The following SPRED2 variants were observed in gnomAD, a reference collection of about 807,000 sequenced individuals.
SPRED2 encodes sprouty related EVH1 domain containing 2.
SPRED2 carries 47 observed loss-of-function variants against 43.0 expected under a neutral mutation model. The ratio of observed to expected loss-of-function variants is 1.09; its 90% CI spans 0.87 to 1.40. The LOEUF (loss-of-function observed/expected upper bound fraction) is 1.40, where lower values mean the gene tolerates loss of function less well. Among genes scored for constraint, SPRED2 ranks in the 40% most tolerant of loss-of-function variants. The pLI is 0.00. For synonymous variants in SPRED2, 225 were observed against 225.7 expected, an observed-to-expected ratio of 1.00 and a Z score of 0.03; for missense variants, 561 against 586.4, an observed-to-expected ratio of 0.96 and a Z score of 0.45.
At chr2:65,395,396 G>A (rs1016287180) in intron 1 of SPRED2, among the ~76,000 whole-genome samples, 7 of 152,024 alleles carry the variant, frequency 4.6e-5, no homozygotes, top group African/African-American at 1.4e-4. Context: ...TTCTCACCAC[G>A]GCAGTACCCT....
chr2:65,315,471 G>T (rs1673206502), intron 5 of SPRED2, among the ~76,000 whole-genome samples: 2 of 152,142 alleles, frequency 1.3e-5, no homozygotes, highest in Non-Finnish European at 2.9e-5. Context: ...GCAGGGCCAT[G>T]TCCCACACAT....
At chr2:65,378,459 G>A (rs909240351) in intron 1 of SPRED2, among the ~76,000 whole-genome samples, 1 of 152,204 alleles carries the variant, frequency 6.6e-6, no homozygotes, top group African/African-American at 2.4e-5. Flanking sequence ...AAGTGTGTGT[G>A]TGGGGCGGAG....
At chr2:65,339,067 C>CG (rs1674089113) in intron 2 of SPRED2, among the ~76,000 whole-genome samples, 1 of 134,412 alleles carries the variant, frequency 7.4e-6, no homozygotes, top group Non-Finnish European at 1.6e-5. Flanking sequence ...AGCCCCCCGC[C>CG]GGGCCAGCCG....
At chr2:65,402,750 T>A (rs1675935553) in intron 1 of SPRED2, among the ~76,000 whole-genome samples, 1 of 152,254 alleles carries the variant, frequency 6.6e-6, no homozygotes, top group Non-Finnish European at 1.5e-5. Flanking sequence ...TGAATTGGAT[T>A]AATATAATTC....
intron 3 of SPRED2, chr2:65,334,017 G>C (rs1182386478): frequency 9.8e-6 from 3 of 305,088 alleles, no homozygotes; most frequent in Admixed American, 4.4e-5. Context: ...TTTTGTGTTT[G>C]CATCTGTGGA....
At chr2:65,337,645 T>C (rs1054812659) in intron 2 of SPRED2, among the ~76,000 whole-genome samples, 2 of 152,254 alleles carry the variant, frequency 1.3e-5, no homozygotes, top group African/African-American at 4.8e-5. Context: ...CACCTATAAG[T>C]TGTTTTTAAC....
intron 4 of SPRED2, among the ~76,000 whole-genome samples, chr2:65,321,734 G>A (rs374811162): frequency 6.6e-6 from 1 of 151,936 alleles, no homozygotes; most frequent in Non-Finnish European, 1.5e-5. Context: ...ATCTTCCTTG[G>A]GGTTATGGCA....
Position 65,313,592 on chromosome 2 carries a change from G to GTAT in SPRED2, c.1165_1166insATA (p.Pro389delinsHisThr). 1 of 1,614,204 alleles carries GTAT rather than the reference G, an allele frequency of 6.2e-7. No homozygotes were observed. The highest frequency in any genetic ancestry group is 8.5e-7 in the Non-Finnish European group (1 of 1,180,026). Reference sequence around the variant, plus strand: ...AAGGGGCAGGTAACAGCACATACAGGGGGCCAGGAAAGACAAGGCAATAAG... The same window carrying GTAT: ...AAGGGGCAGGTAACAGCACATACAGGTATGGGCCAGGAAAGACAAGGCAATAAG... On this transcript the variant is annotated protein_altering_variant, in exon 6 of 6. Transcript: ENST00000356388.
rs1675909246 is a variant in SPRED2, at chr2:65,401,940, C to CACACAA, written c.26+30021_26+30022insTTGTGT. Among the ~76,000 whole-genome samples, 12 of 111,082 alleles carry CACACAA rather than the reference C, an allele frequency of 1.1e-4. No homozygotes were observed. In the South Asian group the frequency reaches 3.6e-3, roughly 33 times the overall value. 72.9% of individuals were successfully genotyped at this position (111,082 alleles called of 152,430 possible). On this transcript the variant is annotated intron_variant, in intron 1 of 5. Coordinates refer to ENST00000356388, the MANE Select transcript of SPRED2 (RefSeq NM_181784.3). The stretch of plus-strand genomic sequence containing the variant: ...ATCAGAATATTAGCGCGCGCGCGCA[C>CACACAA]ACACACACACACACACACACACACA...
At chr2:65,410,002 C>G (rs1245108999) in intron 1 of SPRED2, among the ~76,000 whole-genome samples, 1 of 145,210 alleles carries the variant, frequency 6.9e-6, no homozygotes, top group East Asian at 2.0e-4. Flanking sequence ...TGTACTCCAA[C>G]TTGGTAACAG....
At chr2:65,398,340 T>C (rs1314866940) in intron 1 of SPRED2, among the ~76,000 whole-genome samples, 1 of 152,200 alleles carries the variant, frequency 6.6e-6, no homozygotes, top group Non-Finnish European at 1.5e-5. Context: ...AAAGACTTCA[T>C]GACCAAGAAC....
chr2:65,347,101 G>A (rs900506038), intron 1 of SPRED2, among the ~76,000 whole-genome samples: 15 of 151,978 alleles, frequency 9.9e-5, no homozygotes, highest in Middle Eastern at 3.2e-3. Flanking sequence ...CGACCACCTC[G>A]TAAGTTTGCA....
intron 1 of SPRED2, among the ~76,000 whole-genome samples, chr2:65,369,965 T>C (rs926820498): frequency 3.3e-5 from 5 of 152,232 alleles, no homozygotes; most frequent in Non-Finnish European, 7.3e-5. Flanking sequence ...GAAGCAAAAC[T>C]AGCTGTAACT....
At chr2:65,369,413 C>A (rs1428463565) in intron 1 of SPRED2, among the ~76,000 whole-genome samples, 1 of 152,208 alleles carries the variant, frequency 6.6e-6, no homozygotes, top group African/African-American at 2.4e-5. Context: ...CCCCCACTAC[C>A]ATCCCAATAA....
chr2:65,350,855 G>T (rs922405275), intron 1 of SPRED2, among the ~76,000 whole-genome samples: 3 of 152,246 alleles, frequency 2.0e-5, no homozygotes, highest in African/African-American at 7.2e-5. Flanking sequence ...GCAGCACTGG[G>T]TCTCACAAAG....
At chr2:65,421,376 C>T (rs1233724351) in intron 1 of SPRED2, among the ~76,000 whole-genome samples, 1 of 152,220 alleles carries the variant, frequency 6.6e-6, no homozygotes, top group African/African-American at 2.4e-5. Context: ...ATAAAACCAT[C>T]ACAGCCATGG....
At chr2:65,410,206 C>A (rs1316949258) in intron 1 of SPRED2, among the ~76,000 whole-genome samples, 1 of 151,994 alleles carries the variant, frequency 6.6e-6, no homozygotes, top group Non-Finnish European at 1.5e-5. Context: ...CACTGCACTG[C>A]AGCCTGGATG....
chr2:65,363,727 C>T (rs544805588), intron 1 of SPRED2, among the ~76,000 whole-genome samples: 1 of 152,334 alleles, frequency 6.6e-6, no homozygotes, highest in Non-Finnish European at 1.5e-5. Context: ...ACTGCAGACT[C>T]TGTAACAAAC....
At chr2:65,364,498 A>G (rs1243004261) in intron 1 of SPRED2, among the ~76,000 whole-genome samples, 2 of 152,230 alleles carry the variant, frequency 1.3e-5, no homozygotes, top group Non-Finnish European at 2.9e-5. Flanking sequence ...GATGGCTCAC[A>G]GTGCTTAACA....
Sources: gnomAD v4.1 joint callset for allele counts (sites outside exome capture counted in the v4.1 genomes callset) on GRCh38, gnomAD v4.1.1 for gene constraint, MANE v1.5 for transcripts, NCBI Gene and HGNC (gene_info 2026-07-23, HGNC 2026-07-21) for gene names.